Variants in L3MBTL4 observed in about 807,000 individuals in gnomAD.
L3MBTL4 encodes L3MBTL histone methyl-lysine binding protein 4.
L3MBTL4 carries 70 observed loss-of-function variants against 84.5 expected under a neutral mutation model. The ratio of observed to expected loss-of-function variants is 0.83; its 90% CI spans 0.68 to 1.01. The LOEUF (loss-of-function observed/expected upper bound fraction) is 1.01, where lower values mean the gene tolerates loss of function less well. L3MBTL4 is among the 50% of genes least tolerant of loss of function. L3MBTL4 has a pLI of 0.00. For synonymous variants in L3MBTL4, 274 were observed against 259.8 expected (o/e 1.05, Z -0.52); for missense variants, 715 against 754.8 (o/e 0.95, Z 0.62).
chr18:6,121,877 C>T (rs1013361180), intron 14 of L3MBTL4, among the ~76,000 whole-genome samples: 5 of 152,222 alleles, frequency 3.3e-5, no homozygotes, highest in Middle Eastern at 3.4e-3. Flanking sequence ...CAGGTTTGTG[C>T]GTCATTTAGG....
chr18:6,121,603 C>T (rs1384884463), intron 14 of L3MBTL4, among the ~76,000 whole-genome samples: 3 of 151,866 alleles, frequency 2.0e-5, no homozygotes, highest in African/African-American at 2.4e-5. Flanking sequence ...CACAGCCCTA[C>T]ACACCAAAGG....
intron 3 of L3MBTL4, among the ~76,000 whole-genome samples, chr18:6,311,082 A>G (rs1210336682): frequency 1.3e-5 from 2 of 152,012 alleles, no homozygotes; most frequent in African/African-American, 2.4e-5. Context: ...GTCAGCCCCC[A>G]CAACCTGCCT....
chr18:6,283,811 A>C (rs1303665754), intron 4 of L3MBTL4, among the ~76,000 whole-genome samples: 1 of 152,240 alleles, frequency 6.6e-6, no homozygotes, highest in Non-Finnish European at 1.5e-5. Context: ...CAACATGCCA[A>C]TTAAGTGGCA....
At chr18:6,219,880 G>A (rs1172247345) in intron 10 of L3MBTL4, among the ~76,000 whole-genome samples, 1 of 151,964 alleles carries the variant, frequency 6.6e-6, no homozygotes, top group African/African-American at 2.4e-5. Flanking sequence ...GGCCTCGAGA[G>A]GGACAAAGGA....
intron 1 of L3MBTL4, among the ~76,000 whole-genome samples, chr18:6,312,599 C>T (rs1280672167): frequency 1.3e-5 from 2 of 152,210 alleles, no homozygotes; most frequent in African/African-American, 4.8e-5. Flanking sequence ...ACCCACGGTT[C>T]ACCTGCCACT....
At chr18:6,246,166 T>G (rs1423571264) in intron 5 of L3MBTL4, among the ~76,000 whole-genome samples, 4 of 152,210 alleles carry the variant, frequency 2.6e-5, no homozygotes, top group African/African-American at 9.6e-5. Flanking sequence ...TATTTGCTTA[T>G]AATGAGCCTT....
chr18:6,364,869 A>G (rs1031238729), intron 1 of L3MBTL4, among the ~76,000 whole-genome samples: 14 of 152,102 alleles, frequency 9.2e-5, no homozygotes, highest in Non-Finnish European at 1.3e-4. Flanking sequence ...TTTAAGGCAG[A>G]TTTCAAAAGC....
intron 5 of L3MBTL4, chr18:6,256,785 A>C (rs960154474): frequency 3.9e-5 from 6 of 152,106 alleles, no homozygotes; most frequent in Admixed American, 2.6e-4. Flanking sequence ...CTGGGCACCC[A>C]CTCTTAAGTG....
chr18:6,156,425 AG>A (rs201001106), intron 13 of L3MBTL4, among the ~76,000 whole-genome samples: 1,997 of 152,286 alleles, frequency 0.013, 46 homozygotes, highest in African/African-American at 0.045. Flanking sequence ...TAATATTTTC[AG>A]ACAGTCAGTT....
chr18:6,331,404 G>T (rs1220072956), intron 1 of L3MBTL4, among the ~76,000 whole-genome samples: 8 of 152,064 alleles, frequency 5.3e-5, no homozygotes, highest in Non-Finnish European at 1.5e-5. Context: ...AATGCAGAAA[G>T]CTCAAATCAA....
chr18:6,191,488 G>T (rs1312313034), intron 12 of L3MBTL4, among the ~76,000 whole-genome samples: 2 of 152,142 alleles, frequency 1.3e-5, no homozygotes, highest in Non-Finnish European at 2.9e-5. Flanking sequence ...TAGAGAGGAA[G>T]ATCAGTCAAA....
chr18:6,092,307 C>T (rs1598722291), intron 15 of L3MBTL4, among the ~76,000 whole-genome samples: 1 of 152,162 alleles, frequency 6.6e-6, no homozygotes, highest in South Asian at 2.1e-4. Flanking sequence ...AAAGTGTATC[C>T]TATGAGCCAA....
At chr18:6,193,029 T>C (rs922596750) in intron 12 of L3MBTL4, among the ~76,000 whole-genome samples, 19 of 151,842 alleles carry the variant, frequency 1.3e-4, no homozygotes, top group Non-Finnish European at 2.8e-4. Context: ...GTTGGGATAT[T>C]CAAAGAAATT....
intron 13 of L3MBTL4, among the ~76,000 whole-genome samples, chr18:6,163,725 C>A (rs945696965): frequency 6.6e-6 from 1 of 152,138 alleles, no homozygotes; most frequent in East Asian, 1.9e-4. Context: ...CAAATAGGAA[C>A]AGCTCCAGTC....
At chr18:6,016,845 G>C (rs1205727867) in intron 16 of L3MBTL4, among the ~76,000 whole-genome samples, 1 of 152,236 alleles carries the variant, frequency 6.6e-6, no homozygotes, top group African/African-American at 2.4e-5. Flanking sequence ...GAGCCAAGTG[G>C]TGGGCAGAGG....
At chr18:6,295,342 C>CTATATA (rs370638631) in intron 4 of L3MBTL4, among the ~76,000 whole-genome samples, 36 of 117,104 alleles carry the variant, frequency 3.1e-4, no homozygotes, top group East Asian at 1.4e-3. Context: ...CTCTCTCTCT[C>CTATATA]TCTCTATATA....
intron 14 of L3MBTL4, among the ~76,000 whole-genome samples, chr18:6,120,140 T>A (rs2059479991): frequency 6.6e-6 from 1 of 152,152 alleles, no homozygotes; most frequent in Non-Finnish European, 1.5e-5. Context: ...TGCAACACAC[T>A]GAGGGCCTGA....
intron 4 of L3MBTL4, among the ~76,000 whole-genome samples, chr18:6,294,317 A>T (rs1014202784): frequency 1.3e-5 from 2 of 152,174 alleles, no homozygotes; most frequent in African/African-American, 4.8e-5. Flanking sequence ...CAGTCATTTA[A>T]AATAGGCATG....
rs79580147 is a variant in L3MBTL4, at chr18:5,990,770, G to T, written c.1445-21208C>A. 1.6e-3 allele frequency among the ~76,000 whole-genome samples: 232 copies of T among 142,362 alleles called. 1 individual carries two copies. The highest frequency in any genetic ancestry group is 4.5e-3 in the African/African-American group (173 of 38,154). 93.4% of individuals were successfully genotyped at this position (142,362 alleles called of 152,430 possible). ...TTCAAACTTTAGTAGGGTTCATGTG[G>T]GTGTGTGTGTGTGTGTGTGTGTGTG... On this transcript the variant is annotated intron_variant, in intron 16 of 18. Coordinates refer to ENST00000317931, the MANE Select transcript of L3MBTL4 (RefSeq NM_001330559.2).
Sources: gnomAD v4.1 joint callset for allele counts (sites outside exome capture counted in the v4.1 genomes callset) on GRCh38, gnomAD v4.1.1 for gene constraint, MANE v1.5 for transcripts, NCBI Gene and HGNC (gene_info 2026-07-23, HGNC 2026-07-21) for gene names.